ETV6: variants seen among roughly 807,000 people sequenced by gnomAD.
ETV6 encodes the protein transcription factor ETV6.
ETV6 carries 16 observed loss-of-function variants against 51.1 expected under a neutral mutation model. The ratio of observed to expected loss-of-function variants is 0.31; its 90% CI spans 0.21 to 0.48. The LOEUF (loss-of-function observed/expected upper bound fraction) is 0.48, where lower values mean the gene tolerates loss of function less well. ETV6 is among the 20% of genes least tolerant of loss of function. The pLI, the probability that ETV6 is intolerant of heterozygous loss-of-function variation, is 0.99. For synonymous variants in ETV6, 240 were observed against 224.1 expected, an observed-to-expected ratio of 1.07 and a Z score of -0.64; for missense variants, 458 against 594.8, an observed-to-expected ratio of 0.77 and a Z score of 2.39.
At chr12:11,782,786 T>C (rs1945430902) in intron 2 of ETV6, among the ~76,000 whole-genome samples, 1 of 152,248 alleles carries the variant, frequency 6.6e-6, no homozygotes, top group Admixed American at 6.5e-5. Flanking sequence ...TAAAATGATT[T>C]ATAAGATAAC....
chr12:11,726,891 A>G (rs1251924648), intron 1 of ETV6, among the ~76,000 whole-genome samples: 1 of 152,340 alleles, frequency 6.6e-6, no homozygotes, highest in African/African-American at 2.4e-5. Context: ...CGACACACAC[A>G]TACACTTCAC....
intron 5 of ETV6, among the ~76,000 whole-genome samples, chr12:11,875,529 T>C (rs1414857533): frequency 6.6e-6 from 1 of 152,222 alleles, no homozygotes; most frequent in Non-Finnish European, 1.5e-5. Flanking sequence ...GAAAGTATAT[T>C]GGCCACAAGC....
intron 2 of ETV6, among the ~76,000 whole-genome samples, chr12:11,768,192 C>T (rs1041925069): frequency 1.3e-5 from 2 of 151,876 alleles, no homozygotes; most frequent in South Asian, 2.1e-4. Flanking sequence ...TCTATCTTTC[C>T]GTTTGTATTA....
intron 2 of ETV6, among the ~76,000 whole-genome samples, chr12:11,828,555 C>T (rs917483507): frequency 1.3e-5 from 2 of 152,016 alleles, no homozygotes; most frequent in Admixed American, 6.6e-5. Flanking sequence ...TTTGCATACA[C>T]GAGACTAAAA....
intron 3 of ETV6, chr12:11,840,705 TAG>T (rs771604443): frequency 3.1e-6 from 1 of 323,660 alleles, no homozygotes; most frequent in Non-Finnish European, 6.1e-6. Flanking sequence ...TCCCCAGAAG[TAG>T]AGATGTTATT....
intron 2 of ETV6, among the ~76,000 whole-genome samples, chr12:11,781,877 T>C (rs1173276301): frequency 6.6e-6 from 1 of 152,216 alleles, no homozygotes; most frequent in East Asian, 1.9e-4. Context: ...GGGAAAAAGA[T>C]TGAATGGGAC....
At chr12:11,753,316 A>T (rs546070253) in intron 2 of ETV6, among the ~76,000 whole-genome samples, 1 of 152,032 alleles carries the variant, frequency 6.6e-6, no homozygotes, top group Non-Finnish European at 1.5e-5. Flanking sequence ...AGCCGTTGAC[A>T]CCTGCTGTGT....
intron 1 of ETV6, among the ~76,000 whole-genome samples, chr12:11,722,570 G>A (rs1865408711): frequency 6.6e-6 from 1 of 152,134 alleles, no homozygotes; most frequent in South Asian, 2.1e-4. Context: ...ACTATTCTAA[G>A]AATATTCAAG....
intron 3 of ETV6, 26 bp downstream of exon 3, chr12:11,839,330 GC>G: frequency 1.9e-6 from 3 of 1,593,182 alleles, no homozygotes; most frequent in Non-Finnish European, 2.6e-6. Context: ...CTTGGCATAT[GC>G]CCAACTTGGA....
chr12:11,798,052 T>A lies in ETV6; in HGVS notation c.164-41088T>A, dbSNP rs187691747. On this transcript the variant is annotated intron_variant, in intron 2 of 7. Transcript: ENST00000396373. ...TGAGATTATCTTTCCAAGGAAAACTTATCAACTATCTATTATGTATCAGGC... is the reference window on the plus strand; with the variant it reads ...TGAGATTATCTTTCCAAGGAAAACTAATCAACTATCTATTATGTATCAGGC... Among the ~76,000 whole-genome samples, 5 of 152,336 alleles carry A rather than the reference T, an allele frequency of 3.3e-5. No individual in the cohort carries two copies. In the East Asian group the frequency reaches 9.6e-4, roughly 29 times the overall value.
chr12:11,665,908 A>G (rs1326682603), intron 1 of ETV6, among the ~76,000 whole-genome samples: 10 of 152,352 alleles, frequency 6.6e-5, no homozygotes, highest in Admixed American at 6.5e-4. Flanking sequence ...GCTGGAGAAG[A>G]AGCTTGAGAA....
intron 2 of ETV6, among the ~76,000 whole-genome samples, chr12:11,817,699 C>T (rs1226144009): frequency 1.3e-5 from 2 of 152,146 alleles, no homozygotes; most frequent in African/African-American, 4.8e-5. Flanking sequence ...GAGGCCTGGC[C>T]AGCCCCCATG....
At chr12:11,727,186 C>G (rs903547320) in intron 1 of ETV6, among the ~76,000 whole-genome samples, 2 of 152,256 alleles carry the variant, frequency 1.3e-5, no homozygotes, top group African/African-American at 2.4e-5. Flanking sequence ...CCTTGCATAT[C>G]TATAAACAAC....
At chr12:11,878,229 T>G (rs927310899) in intron 5 of ETV6, among the ~76,000 whole-genome samples, 3 of 152,098 alleles carry the variant, frequency 2.0e-5, no homozygotes, top group Non-Finnish European at 2.9e-5. Flanking sequence ...TGTGAACAAC[T>G]GAGAAATCAA....
intron 2 of ETV6, among the ~76,000 whole-genome samples, chr12:11,791,361 G>A (rs993121487): frequency 6.6e-6 from 1 of 152,306 alleles, no homozygotes; most frequent in East Asian, 1.9e-4. Context: ...GATGAATGTT[G>A]ACAGTCTTCC....
At chr12:11,868,528 C>T (rs1010264642) in intron 4 of ETV6, among the ~76,000 whole-genome samples, 1 of 150,130 alleles carries the variant, frequency 6.7e-6, no homozygotes, top group Admixed American at 6.7e-5. Context: ...ACCTCCACCT[C>T]CTGGGTTCAA....
intron 2 of ETV6, among the ~76,000 whole-genome samples, chr12:11,776,345 C>A (rs1945323844): frequency 6.6e-6 from 1 of 152,024 alleles, no homozygotes; most frequent in Admixed American, 6.5e-5. Flanking sequence ...CCAACAAATA[C>A]TAGAAATGTT....
Position 11,887,212 on chromosome 12 carries a change from C to T in ETV6, c.1253+1186C>T, listed in dbSNP as rs368460350. ...GCTTTTCTTCATCCTTCAACCTAAA[C>T]GCAGTCCTTGGCTCCCTTTCTTCCC... On this transcript the variant is annotated intron_variant, in intron 7 of 7. Coordinates refer to ENST00000396373, the MANE Select transcript of ETV6 (RefSeq NM_001987.5). Among the ~76,000 whole-genome samples, 8 of 152,294 alleles carry T rather than the reference C, an allele frequency of 5.3e-5. No individual in the cohort carries two copies. The East Asian group carries it at 7.7e-4, about 15-fold the overall frequency.
intron 7 of ETV6, among the ~76,000 whole-genome samples, chr12:11,890,725 C>G (rs901551365): frequency 3.3e-5 from 5 of 152,054 alleles, no homozygotes; most frequent in African/African-American, 1.2e-4. Context: ...ATGCCTGGCC[C>G]TAGTCTTTTT....
Sources: allele counts gnomAD v4.1 joint callset (sites outside exome capture counted in the v4.1 genomes callset), GRCh38; gene constraint gnomAD v4.1.1; transcripts MANE v1.5; gene names NCBI Gene and HGNC (gene_info 2026-07-23, HGNC 2026-07-21).